Variants in EYS observed in about 807,000 individuals in gnomAD.
The protein encoded by EYS is EGF-like photoreceptor maintenance factor.
In EYS, 250 loss-of-function variants were observed where a neutral mutation model predicts 282.1. That is an observed-to-expected ratio of 0.89 (90% confidence interval 0.80 to 0.98). EYS has a LOEUF of 0.98. Ranked by LOEUF, EYS falls within the 50% of genes least tolerant of loss-of-function variation. EYS has a pLI of 0.00. For missense variants in EYS, 4,016 were observed against 3,709.0 expected (o/e 1.08, Z -2.15); for synonymous variants, 1,355 against 1,282.9 (o/e 1.06, Z -1.20).
intron 28 of EYS, among the ~76,000 whole-genome samples, chr6:64,397,963 G>C (rs993867800): frequency 6.6e-6 from 1 of 151,494 alleles, no homozygotes; most frequent in African/African-American, 2.4e-5. Context: ...TGTTTTCTTT[G>C]GCCTCAGTGG....
At chr6:64,763,899 C>G (rs76650569) in intron 22 of EYS, among the ~76,000 whole-genome samples, 2,921 of 152,214 alleles carry the variant, frequency 0.019, 93 homozygotes, top group African/African-American at 0.066. Context: ...ATTAAAGGAC[C>G]AAAATAATGC....
chr6:64,929,398 A>G (rs1768632403), intron 15 of EYS, among the ~76,000 whole-genome samples: 1 of 152,148 alleles, frequency 6.6e-6, no homozygotes, highest in Admixed American at 6.6e-5. Context: ...ATTCATTCAA[A>G]ATAAGGTCTT....
At chr6:64,775,952 A>T (rs1195199253) in intron 22 of EYS, among the ~76,000 whole-genome samples, 1 of 152,030 alleles carries the variant, frequency 6.6e-6, no homozygotes, top group African/African-American at 2.4e-5. Flanking sequence ...ACACATCTAT[A>T]TCAGGTTCTA....
chr6:64,203,868 C>T (rs1765544652), intron 31 of EYS, among the ~76,000 whole-genome samples: 1 of 151,920 alleles, frequency 6.6e-6, no homozygotes, highest in African/African-American at 2.4e-5. Flanking sequence ...TGAGGGAGAA[C>T]AGAAAAAATA....
At chr6:65,060,448 A>T (rs934466910) in intron 12 of EYS, among the ~76,000 whole-genome samples, 2 of 151,956 alleles carry the variant, frequency 1.3e-5, no homozygotes, top group African/African-American at 4.8e-5. Context: ...GAGAAATACA[A>T]ATTTAGAGGA....
chr6:65,147,279 A>G (rs2150212664), intron 12 of EYS, among the ~76,000 whole-genome samples: 1 of 152,174 alleles, frequency 6.6e-6, no homozygotes, highest in South Asian at 2.1e-4. Flanking sequence ...GGGATACATG[A>G]TTAAATATGC....
chr6:65,361,433 G>A (rs1346136953), intron 8 of EYS, among the ~76,000 whole-genome samples: 1 of 151,464 alleles, frequency 6.6e-6, no homozygotes, highest in Non-Finnish European at 1.5e-5. Flanking sequence ...TGAGGTGACT[G>A]ACAGGAATTT....
intron 28 of EYS, among the ~76,000 whole-genome samples, chr6:64,390,186 G>C (rs1329941989): frequency 1.3e-5 from 2 of 152,104 alleles, no homozygotes; most frequent in Non-Finnish European, 2.9e-5. Context: ...AGGAGGCAGC[G>C]AGGCTGGGGG....
intron 22 of EYS, among the ~76,000 whole-genome samples, chr6:64,724,733 G>A (rs1214325022): frequency 6.6e-6 from 1 of 152,076 alleles, no homozygotes; most frequent in Non-Finnish European, 1.5e-5. Flanking sequence ...TGCACTGAAA[G>A]GATGAAACCA....
chr6:64,423,681 G>A (rs1303319524), intron 28 of EYS, among the ~76,000 whole-genome samples: 1 of 152,072 alleles, frequency 6.6e-6, no homozygotes, highest in African/African-American at 2.4e-5. Flanking sequence ...GGTGGCGTGT[G>A]CCTGTAATCC....
At chr6:63,970,399 G>A (rs1425867769) in intron 35 of EYS, among the ~76,000 whole-genome samples, 1 of 152,110 alleles carries the variant, frequency 6.6e-6, no homozygotes, top group Non-Finnish European at 1.5e-5. Flanking sequence ...ACTTTGGGAG[G>A]CCGAGGTGGC....
At chr6:65,444,464 T>C (rs765354776) in intron 5 of EYS, among the ~76,000 whole-genome samples, 2 of 152,042 alleles carry the variant, frequency 1.3e-5, no homozygotes, top group African/African-American at 2.4e-5. Flanking sequence ...GGCCTACTAA[T>C]ACAGGGAGAC....
intron 35 of EYS, among the ~76,000 whole-genome samples, chr6:63,915,083 T>C (rs1554187130): frequency 6.6e-6 from 1 of 152,218 alleles, no homozygotes; most frequent in Non-Finnish European, 1.5e-5. Context: ...AATAGCCTTA[T>C]ATTGAAAGAA....
intron 26 of EYS, among the ~76,000 whole-genome samples, chr6:64,530,224 G>T (rs898010084): frequency 6.6e-6 from 1 of 151,890 alleles, no homozygotes; most frequent in East Asian, 1.9e-4. Flanking sequence ...TTAACCAAAT[G>T]CTTGTTTCAG....
intron 11 of EYS, among the ~76,000 whole-genome samples, chr6:65,320,569 C>G (rs979723009): frequency 1.3e-5 from 2 of 152,170 alleles, no homozygotes; most frequent in Non-Finnish European, 2.9e-5. Context: ...TGAACGTATT[C>G]AAGTGGCACA....
intron 5 of EYS, among the ~76,000 whole-genome samples, chr6:65,478,415 G>A (rs1047575078): frequency 2.9e-4 from 44 of 152,046 alleles, no homozygotes; most frequent in Admixed American, 2.9e-3. Flanking sequence ...AAGTTGTTAT[G>A]CCAAACAATA....
chr6:64,730,850 A>G (rs773842355), intron 22 of EYS: 9 of 152,192 alleles, frequency 5.9e-5, no homozygotes, highest in Non-Finnish European at 1.2e-4. Context: ...TAGTAATACT[A>G]CAAACTCTTA....
At chr6:65,198,174 A>G (rs1765814573) in intron 12 of EYS, among the ~76,000 whole-genome samples, 1 of 152,006 alleles carries the variant, frequency 6.6e-6, no homozygotes, top group Admixed American at 6.6e-5. Flanking sequence ...ACCTACACAC[A>G]ATAAGGATCA....
At chr6:64,094,620 T>A (rs1772512387) in intron 31 of EYS, among the ~76,000 whole-genome samples, 1 of 152,194 alleles carries the variant, frequency 6.6e-6, no homozygotes, top group East Asian at 1.9e-4. Context: ...ATCATTTTTT[T>A]ATTGCATCTA....
Sources: gnomAD v4.1 joint callset for allele counts (sites outside exome capture counted in the v4.1 genomes callset) on GRCh38, gnomAD v4.1.1 for gene constraint, MANE v1.5 for transcripts, NCBI Gene and HGNC (gene_info 2026-07-23, HGNC 2026-07-21) for gene names.